KMT2C: variants seen among roughly 807,000 people sequenced by gnomAD.
KMT2C encodes lysine methyltransferase 2C.
In KMT2C, 88 loss-of-function variants were observed where a neutral mutation model predicts 507.9. The ratio of observed to expected loss-of-function variants is 0.17; its 90% confidence interval spans 0.15 to 0.21. KMT2C has a LOEUF of 0.21. Among genes scored for constraint, KMT2C ranks in the 10% least tolerant of loss-of-function variants. The pLI is 1.00. For missense variants in KMT2C, 4,954 were observed against 5,957.8 expected (o/e 0.83, Z 5.55); for synonymous variants, 2,049 against 2,080.8 (o/e 0.98, Z 0.42).
At chr7:152,223,910 T>C in intron 20 of KMT2C, 105 bp downstream of exon 20, 1 of 854,414 alleles carries the variant, frequency 1.2e-6, no homozygotes, top group South Asian at 2.0e-5. Flanking sequence ...CAAAAAGTTC[T>C]GTACCTAAAA....
intron 9 of KMT2C, among the ~76,000 whole-genome samples, chr7:152,253,593 C>CT (rs1180611800): frequency 6.7e-6 from 1 of 148,672 alleles, no homozygotes; most frequent in African/African-American, 2.5e-5. Context: ...ACTTGGGAAG[C>CT]TGAGGCAGGA....
Position 152,344,144 on chromosome 7 carries a change from C to T in KMT2C, c.251-13405G>A, listed in dbSNP as rs543182227. 3.3e-5 allele frequency among the ~76,000 whole-genome samples: 5 copies of T among 152,202 alleles called. No individual in the cohort carries two copies. The South Asian group carries it at 6.2e-4, about 19-fold the overall frequency. ...ACTGACAGCAACAATACAAGGGATGCGAGGAAGGAATTAGGATTATTTTGT... is the reference window on the plus strand; with the variant it reads ...ACTGACAGCAACAATACAAGGGATGTGAGGAAGGAATTAGGATTATTTTGT... On this transcript the variant is annotated intron_variant, in intron 2 of 58. Coordinates refer to ENST00000262189, the MANE Select transcript of KMT2C (RefSeq NM_170606.3).
intron 1 of KMT2C, among the ~76,000 whole-genome samples, chr7:152,423,659 A>G (rs924145464): frequency 6.6e-6 from 1 of 152,166 alleles, no homozygotes; most frequent in Non-Finnish European, 1.5e-5. Context: ...TACCCTCCAG[A>G]TTTTGAAGTG....
intron 6 of KMT2C, among the ~76,000 whole-genome samples, chr7:152,281,638 A>G (rs959297575): frequency 1.3e-5 from 2 of 152,204 alleles, no homozygotes; most frequent in Admixed American, 1.3e-4. Flanking sequence ...AGGCTGAGGC[A>G]GGAGAATCAG....
At chr7:152,341,120 G>A (rs1247552786) in intron 2 of KMT2C, among the ~76,000 whole-genome samples, 1 of 151,722 alleles carries the variant, frequency 6.6e-6, no homozygotes, top group Non-Finnish European at 1.5e-5. Flanking sequence ...CTTTATTTAG[G>A]CCTTAAAAAC....
At chr7:152,356,553 G>A (rs2097152997) in intron 2 of KMT2C, among the ~76,000 whole-genome samples, 1 of 151,576 alleles carries the variant, frequency 6.6e-6, no homozygotes, top group South Asian at 2.1e-4. Context: ...TCCAGCCTGG[G>A]GAACAAAGGA....
At chr7:152,260,038 T>C (rs2095741665) in intron 9 of KMT2C, among the ~76,000 whole-genome samples, 1 of 152,220 alleles carries the variant, frequency 6.6e-6, no homozygotes, top group Non-Finnish European at 1.5e-5. Context: ...ACTTTATAGA[T>C]ACCACTTCAT....
chr7:152,300,512 G>A (rs1370006793), intron 6 of KMT2C, among the ~76,000 whole-genome samples: 1 of 152,216 alleles, frequency 6.6e-6, no homozygotes, highest in African/African-American at 2.4e-5. Flanking sequence ...AAGGTAGTCT[G>A]TGTGATCCTC....
At chr7:152,156,406 T>TA (rs2092049716) in intron 44 of KMT2C, 60 bp from the exon 45 acceptor site, 3 of 1,584,044 alleles carry the variant, frequency 1.9e-6, no homozygotes, top group Admixed American at 3.5e-5. Flanking sequence ...ATGACCTTGC[T>TA]AAAACGTAGT....
At chr7:152,216,913 G>A (rs2094598672) in intron 23 of KMT2C, among the ~76,000 whole-genome samples, 1 of 152,188 alleles carries the variant, frequency 6.6e-6, no homozygotes, top group Non-Finnish European at 1.5e-5. Flanking sequence ...CCATGTGTGG[G>A]AAGAGCCAGT....
chr7:152,424,211 T>G (rs1285822063), intron 1 of KMT2C, among the ~76,000 whole-genome samples: 1 of 152,092 alleles, frequency 6.6e-6, no homozygotes, highest in African/African-American at 2.4e-5. Flanking sequence ...ACTCCTCTGC[T>G]CAAGTGATCC....
Position 152,162,592 on chromosome 7 carries a change from TCCA to T in KMT2C, c.10982_10984del (p.Val3661del), listed in dbSNP as rs1563199570. 1.2e-6 allele frequency: 2 copies of T among 1,614,208 alleles called. No homozygotes were observed. The highest frequency in any genetic ancestry group is 1.1e-5 in the South Asian group (1 of 91,088). On this transcript the variant is annotated inframe_deletion, in exon 43 of 59. Coordinates refer to ENST00000262189, the MANE Select transcript of KMT2C (RefSeq NM_170606.3). Reference sequence around the variant, plus strand: ...ATTGGGAGTGGATGGGCCGACTGGTTCCACCGACTCTTGGTCGGCTTGTTGAGG... The same window carrying T: ...ATTGGGAGTGGATGGGCCGACTGGTTCCGACTCTTGGTCGGCTTGTTGAGG...
intron 45 of KMT2C, 46 bp from the exon 46 acceptor site, chr7:152,156,103 T>G: frequency 6.3e-7 from 1 of 1,598,708 alleles, no homozygotes; most frequent in African/African-American, 1.3e-5. Flanking sequence ...CAGTCAATAT[T>G]GATAAATGGG....
At chr7:152,383,389 T>C (rs544432528) in intron 1 of KMT2C, among the ~76,000 whole-genome samples, 8 of 152,338 alleles carry the variant, frequency 5.3e-5, no homozygotes, top group Admixed American at 2.0e-4. Flanking sequence ...CACATCTTCC[T>C]ACATTCCTGT....
At chr7:152,230,973 T>A (rs984398612) in intron 16 of KMT2C, among the ~76,000 whole-genome samples, 1 of 152,108 alleles carries the variant, frequency 6.6e-6, no homozygotes, top group African/African-American at 2.4e-5. Context: ...TCCACCGCCA[T>A]GCCCAGCTAA....
At chr7:152,404,356 C>T (rs1589770607) in intron 1 of KMT2C, among the ~76,000 whole-genome samples, 1 of 152,326 alleles carries the variant, frequency 6.6e-6, no homozygotes, top group African/African-American at 2.4e-5. Context: ...ATCTCTAGGC[C>T]GGGCGCGGTG....
Position 152,148,688 on chromosome 7 carries a change from T to C in KMT2C, c.13239A>G (p.Thr4413=), listed in dbSNP as rs2091363013. ...CFCHEEGDGL[T]DGPARLLNLD... The stretch of plus-strand genomic sequence containing the variant: ...GGTTGAGTAGCCTTGCTGGTCCATC[T>C]GTCAATCCATCACCTTCTTCATGAC... Residue 4413 remains threonine, a synonymous_variant, in exon 52 of 59, where the codon ACA becomes ACG. Transcript: ENST00000262189. This position sits in a 1 kb window ranked among gnomAD's most constrained non-coding sequence, Gnocchi z 7.1. The C allele has an allele frequency of 6.2e-7, 1 of 1,614,120 alleles. No individual in the cohort carries two copies. Among genetic ancestry groups the C allele is most frequent in the Non-Finnish European group, 8.5e-7 (1 of 1,180,058 alleles).
chr7:152,299,947 A>G (rs1159746476), intron 6 of KMT2C, among the ~76,000 whole-genome samples: 9 of 152,158 alleles, frequency 5.9e-5, no homozygotes, highest in Non-Finnish European at 1.5e-5. Flanking sequence ...AGAAATACTA[A>G]TATGAGGCAA....
chr7:152,180,207 T>A lies in KMT2C; in HGVS notation c.7150-81A>T, dbSNP rs115626617. 2,301 of 1,442,356 alleles carry A rather than the reference T, an allele frequency of 1.6e-3. 36 individuals carry two copies. In the African/African-American group the frequency reaches 0.029, roughly 18 times the overall value. The allele number at this position is 1,442,356 out of a possible 1,614,324, so 89.3% of individuals were successfully genotyped here. A position where few individuals can be genotyped will look rare whatever the true frequency, so the allele number is the denominator to read the frequency against. On this transcript the variant is annotated intron_variant, in intron 36 of 58. Coordinates refer to ENST00000262189, the MANE Select transcript of KMT2C (RefSeq NM_170606.3). ...AGGTTACTGGCTTTTTATTTTTAGA[T>A]ATGGGATCTTGCTATGTTGCCCAGG...
Sources: allele counts gnomAD v4.1 joint callset (sites outside exome capture counted in the v4.1 genomes callset), GRCh38; gene constraint gnomAD v4.1.1; non-coding constraint Gnocchi (gnomAD v3.1); transcripts MANE v1.5; gene names NCBI Gene and HGNC (gene_info 2026-07-23, HGNC 2026-07-21).